TXNRD1: variants seen among roughly 807,000 people sequenced by gnomAD.
TXNRD1 encodes the protein thioredoxin reductase 1, cytoplasmic.
TXNRD1 carries 57 observed loss-of-function variants against 80.3 expected under a neutral mutation model. The ratio of observed to expected loss-of-function variants is 0.71; its 90% CI spans 0.57 to 0.89. The LOEUF (loss-of-function observed/expected upper bound fraction) is 0.89, where lower values mean the gene tolerates loss of function less well. TXNRD1 is among the 40% of genes least tolerant of loss of function. The probability of loss-of-function intolerance (pLI) is 0.00; values close to 1 mark genes in which losing one functional copy is unlikely to be tolerated. For missense variants in TXNRD1, 730 were observed against 803.0 expected (o/e 0.91, Z 1.10); for synonymous variants, 291 against 285.2 (o/e 1.02, Z -0.20).
At chr12:104,228,355 G>T (rs1043202741) in intron 1 of TXNRD1, among the ~76,000 whole-genome samples, 1 of 151,646 alleles carries the variant, frequency 6.6e-6, no homozygotes, top group Non-Finnish European at 1.5e-5. Flanking sequence ...AATATAGGCC[G>T]GTTGTGGTGG....
intron 3 of TXNRD1, chr12:104,287,337 A>G (rs1275132857): frequency 2.5e-6 from 4 of 1,614,012 alleles, no homozygotes; most frequent in Non-Finnish European, 2.5e-6. Context: ...AAGCTTCAGC[A>G]TGTCATGTGG....
At chr12:104,252,017 T>C (rs2033128070) in intron 2 of TXNRD1, among the ~76,000 whole-genome samples, 1 of 138,248 alleles carries the variant, frequency 7.2e-6, no homozygotes, top group Non-Finnish European at 1.5e-5. Flanking sequence ...TGAGCCGAGA[T>C]AGTGCCACTG....
chr12:104,298,291 A>G (rs912629402), intron 4 of TXNRD1, among the ~76,000 whole-genome samples: 1 of 152,196 alleles, frequency 6.6e-6, no homozygotes, highest in East Asian at 1.9e-4. Flanking sequence ...ATTACCCTTC[A>G]AAGTGTTACT....
At chr12:104,272,026 G>T (rs1053726943) in intron 3 of TXNRD1, among the ~76,000 whole-genome samples, 1 of 152,124 alleles carries the variant, frequency 6.6e-6, no homozygotes, top group African/African-American at 2.4e-5. Context: ...AATTAGCCAG[G>T]CATGGTGGCG....
At chr12:104,329,860 C>T (rs2035890522) in intron 13 of TXNRD1, among the ~76,000 whole-genome samples, 1 of 152,198 alleles carries the variant, frequency 6.6e-6, no homozygotes, top group Admixed American at 6.5e-5. Context: ...TGAGCTCTCC[C>T]TCTCTGCACT....
intron 1 of TXNRD1, among the ~76,000 whole-genome samples, chr12:104,234,014 A>G (rs934589614): frequency 3.3e-5 from 5 of 152,204 alleles, no homozygotes; most frequent in African/African-American, 9.6e-5. Context: ...AGTCCCATAC[A>G]TTCTTCTTCT....
chr12:104,275,644 A>C (rs961225465), intron 3 of TXNRD1, among the ~76,000 whole-genome samples: 4 of 152,130 alleles, frequency 2.6e-5, no homozygotes, highest in Non-Finnish European at 5.9e-5. Flanking sequence ...TAGCCTCCCA[A>C]AATGCTGGGA....
intron 1 of TXNRD1, among the ~76,000 whole-genome samples, chr12:104,220,175 G>A (rs1483945412): frequency 6.6e-6 from 1 of 152,192 alleles, no homozygotes; most frequent in Non-Finnish European, 1.5e-5. Context: ...ATAAGGGTGA[G>A]TCAGATGCCC....
chr12:104,235,212 T>C (rs891453716), intron 1 of TXNRD1, among the ~76,000 whole-genome samples: 1 of 152,198 alleles, frequency 6.6e-6, no homozygotes, highest in Non-Finnish European at 1.5e-5. Context: ...TGCTACTGTG[T>C]CCGATCCCCA....
rs1491102654 is a variant in TXNRD1, at chr12:104,294,234, C to CGCT, written c.414+5194_414+5195insGCT. On this transcript the variant is annotated intron_variant, in intron 4 of 16. Coordinates refer to ENST00000525566, the MANE Select transcript of TXNRD1 (RefSeq NM_001093771.3). ...TTCTCTAAACTCCCCCGGGGAAAGG[C>CGCT]CCCCCCCCCCGCCGCCGGCTTTCCC... 5.9e-4 allele frequency among the ~76,000 whole-genome samples: 14 copies of CGCT among 23,780 alleles called. 3 individuals are homozygous for CGCT. Among genetic ancestry groups the CGCT allele is most frequent in the Non-Finnish European group, 1.4e-3 (12 of 8,284 alleles). The allele number at this position is 23,780 out of a possible 152,430, so 15.6% of individuals were successfully genotyped here. A position where few individuals can be genotyped will look rare whatever the true frequency, so the allele number is the denominator to read the frequency against.
chr12:104,227,374 G>C (rs1261005886), intron 1 of TXNRD1, among the ~76,000 whole-genome samples: 1 of 151,990 alleles, frequency 6.6e-6, no homozygotes, highest in Non-Finnish European at 1.5e-5. Context: ...TAATCCTCCT[G>C]CTTGAGCCTC....
At chr12:104,236,783 G>C (rs2032746583) in intron 1 of TXNRD1, among the ~76,000 whole-genome samples, 1 of 62,130 alleles carries the variant, frequency 1.6e-5, no homozygotes, top group African/African-American at 7.9e-5. Context: ...AGTGAAAACT[G>C]TCTCAAAAAA....
At chr12:104,290,755 A>ATG (rs1301052690) in intron 4 of TXNRD1, among the ~76,000 whole-genome samples, 3 of 115,070 alleles carry the variant, frequency 2.6e-5, no homozygotes, top group South Asian at 2.9e-4. Context: ...ATATATATAT[A>ATG]TATGTATATT....
intron 4 of TXNRD1, chr12:104,303,718 C>T (rs1392872117): frequency 2.7e-6 from 2 of 754,648 alleles, no homozygotes; most frequent in East Asian, 3.2e-5. Context: ...CGGGTCGCGC[C>T]GGGCCGGGCC....
intron 3 of TXNRD1, among the ~76,000 whole-genome samples, chr12:104,277,168 G>C (rs2033772849): frequency 6.6e-6 from 1 of 151,058 alleles, no homozygotes; most frequent in Non-Finnish European, 1.5e-5. Flanking sequence ...GAGGCGGGTG[G>C]ATCACAAGAT....
chr12:104,321,069 CTT>C lies in TXNRD1; in HGVS notation c.990-9_990-8del, dbSNP rs80130284. ...GGAACTTTCTTTTTCTTCTTTCTTC[CTT>C]TTTTTTTTTTTTCCCCCAGTGATGA... On this transcript the variant is annotated intron_variant, in intron 9 of 16. Transcript: ENST00000525566. The C allele has an allele frequency of 8.1e-3, 10,156 of 1,254,892 alleles. No individual in the cohort carries two copies. Among genetic ancestry groups the C allele is most frequent in the Non-Finnish European group, 9.3e-3 (8,342 of 901,808 alleles). The allele number at this position is 1,254,892 out of a possible 1,614,324, so 77.7% of individuals were successfully genotyped here. A position where few individuals can be genotyped will look rare whatever the true frequency, so the allele number is the denominator to read the frequency against.
intron 4 of TXNRD1, among the ~76,000 whole-genome samples, chr12:104,307,972 A>G (rs1312229117): frequency 6.6e-6 from 1 of 151,568 alleles, no homozygotes; most frequent in East Asian, 1.9e-4. Flanking sequence ...TTTTCATAAT[A>G]GTAAGATGCT....
intron 1 of TXNRD1, among the ~76,000 whole-genome samples, chr12:104,221,272 G>A (rs1287955854): frequency 6.6e-6 from 1 of 152,182 alleles, no homozygotes; most frequent in African/African-American, 2.4e-5. Context: ...CAGAAAAACA[G>A]CAACAAATCT....
In TXNRD1 at chr12:104,249,710, C is replaced by T. The variant is rs562822647; in HGVS notation, c.92-1817C>T. 3.3e-5 allele frequency among the ~76,000 whole-genome samples: 5 copies of T among 152,076 alleles called. No homozygotes were observed. The South Asian group carries it at 6.2e-4, about 19-fold the overall frequency. ...TAGCACTTTGGGAGGCCAAGGTGGG[C>T]AGATCACGAGGTCAGGAGATCAAGA... On this transcript the variant is annotated intron_variant, in intron 1 of 16. Coordinates refer to ENST00000525566, the MANE Select transcript of TXNRD1 (RefSeq NM_001093771.3).
Sources: gnomAD v4.1 joint callset for allele counts (sites outside exome capture counted in the v4.1 genomes callset) on GRCh38, gnomAD v4.1.1 for gene constraint, MANE v1.5 for transcripts, NCBI Gene and HGNC (gene_info 2026-07-23, HGNC 2026-07-21) for gene names.